The following GADL1 variants were observed in gnomAD, a reference collection of about 807,000 sequenced individuals.
GADL1 encodes GAD like acidic amino acid decarboxylase 1.
In GADL1, 71 loss-of-function variants were observed where a neutral mutation model predicts 69.5. The ratio of observed to expected loss-of-function variants is 1.02; its 90% CI spans 0.84 to 1.25. The LOEUF is 1.25. GADL1 is among the 50% of genes most tolerant of loss of function. The pLI is 0.00. For missense variants in GADL1, 737 were observed against 631.8 expected, an observed-to-expected ratio of 1.17 and a Z score of -1.79; for synonymous variants, 254 against 214.4, an observed-to-expected ratio of 1.18 and a Z score of -1.62.
chr3:30,856,608 T>C (rs530553270), intron 3 of GADL1, among the ~76,000 whole-genome samples: 1 of 152,190 alleles, frequency 6.6e-6, no homozygotes, highest in South Asian at 2.1e-4. Flanking sequence ...ATATTAAAGA[T>C]ACCTTTTGAA....
At chr3:30,755,917 A>G (rs1333596841) in intron 14 of GADL1, among the ~76,000 whole-genome samples, 1 of 152,126 alleles carries the variant, frequency 6.6e-6, no homozygotes, top group African/African-American at 2.4e-5. Context: ...TGTGTGAGCC[A>G]CTGCTATGGT....
At position 30,850,936 on chromosome 3, in the gene GADL1, G is replaced by A. The variant is rs896348259; in HGVS notation, c.434C>T (p.Thr145Met). 9.2e-6 allele frequency: 14 copies of A among 1,516,422 alleles called. No individual in the cohort carries two copies. Among genetic ancestry groups the A allele is most frequent in the Middle Eastern group, 1.7e-4 (1 of 5,938 alleles). The allele number at this position is 1,516,422 out of a possible 1,614,324, so 93.9% of individuals were successfully genotyped here. A position where few individuals can be genotyped will look rare whatever the true frequency, so the allele number is the denominator to read the frequency against. The change falls in exon 5 of 15, where the codon ACG becomes ATG. Residue 145 changes from threonine (T) to methionine (M), a missense_variant. Physicochemically the swap from Thr to Met is moderately conservative, Grantham distance 81. Transcript: ENST00000282538. ...MTEALNPSVY[T>M]YEVSPVFLLV... ...CAGAAACACTGGGGACACCTCATAC[G>A]TATAACTAGATAGATATAAAAAACA...
intron 1 of GADL1, among the ~76,000 whole-genome samples, chr3:30,882,924 G>A (rs143221763): frequency 2.0e-4 from 31 of 151,936 alleles, no homozygotes; most frequent in Non-Finnish European, 3.5e-4. Flanking sequence ...GTTAGTGATA[G>A]TGAGCATCTT....
chr3:30,789,757 G>A (rs1220337598), intron 12 of GADL1, among the ~76,000 whole-genome samples: 1 of 152,048 alleles, frequency 6.6e-6, no homozygotes, highest in Admixed American at 6.6e-5. Context: ...TTCTGCACTC[G>A]AACCTCATGA....
At chr3:30,862,364 C>T (rs1698333240) in intron 1 of GADL1, among the ~76,000 whole-genome samples, 1 of 151,948 alleles carries the variant, frequency 6.6e-6, no homozygotes, top group Admixed American at 6.6e-5. Context: ...GAATTAACAC[C>T]ACCTCTATGC....
chr3:30,766,378 G>A (rs999054607), intron 14 of GADL1, among the ~76,000 whole-genome samples: 1 of 152,174 alleles, frequency 6.6e-6, no homozygotes, highest in Non-Finnish European at 1.5e-5. Flanking sequence ...CCCCATGCTT[G>A]GTAATGCTCT....
At chr3:30,837,254 A>G (rs537245219) in intron 9 of GADL1, among the ~76,000 whole-genome samples, 1 of 152,234 alleles carries the variant, frequency 6.6e-6, no homozygotes, top group Non-Finnish European at 1.5e-5. Context: ...TTCTTTAATA[A>G]AGTACCTATG....
At chr3:30,738,072 T>C (rs1418613342) in intron 14 of GADL1, among the ~76,000 whole-genome samples, 1 of 152,212 alleles carries the variant, frequency 6.6e-6, no homozygotes, top group Non-Finnish European at 1.5e-5. Context: ...AAACATTTTA[T>C]ACACTCTATA....
intron 12 of GADL1, among the ~76,000 whole-genome samples, chr3:30,795,584 C>A (rs554746746): frequency 6.6e-6 from 1 of 152,132 alleles, no homozygotes; most frequent in Non-Finnish European, 1.5e-5. Context: ...ACAGAATAGA[C>A]CCCAGAATTG....
At chr3:30,842,062 A>G (rs958949984) in intron 8 of GADL1, among the ~76,000 whole-genome samples, 3 of 152,130 alleles carry the variant, frequency 2.0e-5, no homozygotes, top group African/African-American at 7.2e-5. Flanking sequence ...CAACAAATCA[A>G]TGGTAGTGGG....
rs1444045145 is a variant in GADL1 at position 30,741,887 on chromosome 3, CAA to C, written c.1393-13474_1393-13473del. On this transcript the variant is annotated intron_variant, in intron 14 of 14. Coordinates refer to ENST00000282538, the MANE Select transcript of GADL1 (RefSeq NM_207359.3). ...AAGAGATCCTGTGTGGCCTCCAAGG[CAA>C]GGTCAGGAGAGGTGGACTATTGTCC... 1.1e-4 allele frequency among the ~76,000 whole-genome samples: 16 copies of C among 152,218 alleles called. No homozygotes were observed. The South Asian group carries it at 1.5e-3, about 14-fold the overall frequency.
rs1300524090 is a variant in GADL1 at position 30,854,683 on chromosome 3, A to G, written c.428+16T>C. The G allele has an allele frequency of 4.7e-6, 7 of 1,477,502 alleles. No homozygotes were observed. In the Admixed American group the frequency reaches 1.2e-4, roughly 26 times the overall value. The allele number at this position is 1,477,502 out of a possible 1,614,324, so 91.5% of individuals were successfully genotyped here. Reference sequence around the variant, plus strand: ...AATCCACGTTTGGTGTGAAATTTCTATAGCATGGCACTTACACACTTGGAT... The same window carrying G: ...AATCCACGTTTGGTGTGAAATTTCTGTAGCATGGCACTTACACACTTGGAT... On this transcript the variant is annotated intron_variant, in intron 4 of 14. Transcript: ENST00000282538.
intron 14 of GADL1, among the ~76,000 whole-genome samples, chr3:30,736,967 C>G (rs1201714135): frequency 6.6e-6 from 1 of 152,102 alleles, no homozygotes; most frequent in Non-Finnish European, 1.5e-5. Flanking sequence ...AGGCCATGTA[C>G]TTAAAATTCA....
At chr3:30,814,728 C>T (rs995445804) in intron 11 of GADL1, among the ~76,000 whole-genome samples, 2 of 151,978 alleles carry the variant, frequency 1.3e-5, no homozygotes, top group Non-Finnish European at 2.9e-5. Flanking sequence ...AAACCAGAGA[C>T]ATTATTCTTG....
At position 30,786,342 on chromosome 3, in the gene GADL1, T is replaced by A; in HGVS notation, c.1302+13A>T. 1 of 1,518,644 alleles carries A rather than the reference T, an allele frequency of 6.6e-7. No individual in the cohort carries two copies. 94.1% of individuals were successfully genotyped at this position (1,518,644 alleles called of 1,614,324 possible). On this transcript the variant is annotated intron_variant, in intron 13 of 14. Coordinates refer to ENST00000282538, the MANE Select transcript of GADL1 (RefSeq NM_207359.3). ...ACTGACAAAATCACAAGCACAATTA[T>A]GCAATCACTTACTTCCATCAGTAAC...
intron 8 of GADL1, among the ~76,000 whole-genome samples, chr3:30,843,372 C>T (rs1698001640): frequency 6.6e-6 from 1 of 151,848 alleles, no homozygotes; most frequent in South Asian, 2.1e-4. Flanking sequence ...TCTCCTGCCT[C>T]AGTCTCCCGA....
intron 11 of GADL1, among the ~76,000 whole-genome samples, chr3:30,811,830 G>C (rs141147249): frequency 9.3e-4 from 141 of 152,210 alleles, no homozygotes; most frequent in Non-Finnish European, 1.6e-3. Flanking sequence ...AACATTGCAG[G>C]GTTCCTACTC....
intron 1 of GADL1, among the ~76,000 whole-genome samples, chr3:30,863,485 A>C (rs893640691): frequency 2.0e-5 from 3 of 152,018 alleles, no homozygotes; most frequent in Non-Finnish European, 4.4e-5. Flanking sequence ...ATAGCCCTCC[A>C]CAAAAATAAT....
intron 1 of GADL1, among the ~76,000 whole-genome samples, chr3:30,870,157 A>T (rs1427182308): frequency 2.0e-5 from 3 of 151,932 alleles, no homozygotes; most frequent in Non-Finnish European, 4.4e-5. Context: ...TATGCAGTTA[A>T]GACAAACAGA....
Sources: gnomAD v4.1 joint callset for allele counts (sites outside exome capture counted in the v4.1 genomes callset) on GRCh38, gnomAD v4.1.1 for gene constraint, MANE v1.5 for transcripts, NCBI Gene and HGNC (gene_info 2026-07-23, HGNC 2026-07-21) for gene names.